The following LRRTM4 variants were observed in gnomAD, a reference collection of about 807,000 sequenced individuals.
LRRTM4 encodes leucine rich repeat transmembrane neuronal 4.
Under a neutral mutation model 47.6 loss-of-function variants are expected in LRRTM4, and 25 were observed. The ratio of observed to expected loss-of-function variants is 0.53; its 90% CI spans 0.38 to 0.73. The LOEUF is 0.73. Ranked by LOEUF, LRRTM4 falls within the 30% of genes least tolerant of loss-of-function variation. The pLI, the probability that LRRTM4 is intolerant of heterozygous loss-of-function variation, is 0.00. For synonymous variants in LRRTM4, 311 were observed against 269.5 expected (o/e 1.15, Z -1.51); for missense variants, 638 against 713.4 (o/e 0.89, Z 1.20).
intron 3 of LRRTM4, among the ~76,000 whole-genome samples, chr2:77,308,802 T>C (rs1436420894): frequency 1.3e-5 from 2 of 151,996 alleles, no homozygotes; most frequent in Non-Finnish European, 2.9e-5. Context: ...GTTTTTGTTT[T>C]TGCTTTTGGT....
intron 3 of LRRTM4, among the ~76,000 whole-genome samples, chr2:77,273,394 T>A (rs1287601875): frequency 1.3e-5 from 2 of 152,148 alleles, no homozygotes; most frequent in Non-Finnish European, 2.9e-5. Context: ...CCTTAATTTT[T>A]AATCACTATG....
rs190012806 is a variant in LRRTM4, at chr2:76,919,310, C to A, written c.1552-170394G>T. Among the ~76,000 whole-genome samples the A allele has an allele frequency of 1.8e-3, 276 of 152,218 alleles. 6 individuals carry two copies. The highest frequency in any genetic ancestry group is 3.5e-4 in the Non-Finnish European group (24 of 67,994). ...CCATAAACCGCATTTTTAGTATAAA[C>A]TAAGTGATCAAACTGGTACCTCATG... is the stretch of plus-strand genomic sequence containing the variant. On this transcript the variant is annotated intron_variant, in intron 3 of 3. Coordinates refer to ENST00000409884, the MANE Select transcript of LRRTM4 (RefSeq NM_001134745.3).
At chr2:76,911,938 G>GC (rs1558733700) in intron 3 of LRRTM4, among the ~76,000 whole-genome samples, 1 of 48,802 alleles carries the variant, frequency 2.0e-5, no homozygotes, top group African/African-American at 9.6e-5. Flanking sequence ...TGCTTTTTGG[G>GC]GGGGGGGGGG....
chr2:76,775,596 G>A (rs1475855646), intron 3 of LRRTM4, among the ~76,000 whole-genome samples: 1 of 151,988 alleles, frequency 6.6e-6, no homozygotes, highest in Non-Finnish European at 1.5e-5. Flanking sequence ...CAAAAGACTG[G>A]CAGCTGGTGT....
At chr2:76,764,463 CTA>C (rs914652334) in intron 3 of LRRTM4, among the ~76,000 whole-genome samples, 21 of 152,142 alleles carry the variant, frequency 1.4e-4, no homozygotes, top group African/African-American at 5.1e-4. Context: ...AACCCTGTCT[CTA>C]CTAAAAATGC....
At chr2:77,056,006 C>T (rs1325775096) in intron 3 of LRRTM4, among the ~76,000 whole-genome samples, 2 of 130,134 alleles carry the variant, frequency 1.5e-5, no homozygotes, top group Non-Finnish European at 3.1e-5. Flanking sequence ...CACACGGACA[C>T]AGGAAGGGGA....
chr2:77,299,663 G>T lies in LRRTM4; in HGVS notation c.1551+218655C>A, dbSNP rs368870076. 1.6e-4 allele frequency among the ~76,000 whole-genome samples: 24 copies of T among 152,088 alleles called. No homozygotes were observed. In the South Asian group the frequency reaches 4.6e-3, roughly 29 times the overall value. ...GAAAAATGAAAGCCTAAGTAAAACTGTTGCATTCTCTATTGTAAGACACAC... is the reference window on the plus strand; with the variant it reads ...GAAAAATGAAAGCCTAAGTAAAACTTTTGCATTCTCTATTGTAAGACACAC... On this transcript the variant is annotated intron_variant, in intron 3 of 3. Transcript: ENST00000409884.
At chr2:77,076,547 T>C (rs998962949) in intron 3 of LRRTM4, among the ~76,000 whole-genome samples, 1 of 152,176 alleles carries the variant, frequency 6.6e-6, no homozygotes, top group African/African-American at 2.4e-5. Context: ...TGCTTAGTTA[T>C]AACAAATGAG....
At chr2:77,358,135 G>A (rs1014429307) in intron 3 of LRRTM4, among the ~76,000 whole-genome samples, 3 of 152,134 alleles carry the variant, frequency 2.0e-5, no homozygotes, top group Admixed American at 6.5e-5. Context: ...ATAAATTTCT[G>A]TCTTAGTTTT....
At chr2:77,398,228 G>T (rs561557944) in intron 3 of LRRTM4, among the ~76,000 whole-genome samples, 1 of 151,938 alleles carries the variant, frequency 6.6e-6, no homozygotes, top group Admixed American at 6.6e-5. Context: ...TCATTTCACA[G>T]AATTGCATCA....
chr2:77,492,522 G>A (rs936912950), intron 3 of LRRTM4, among the ~76,000 whole-genome samples: 19 of 152,206 alleles, frequency 1.2e-4, no homozygotes, highest in African/African-American at 4.6e-4. Flanking sequence ...GCCTCTCAAA[G>A]TTCTGGAGTT....
At chr2:76,923,998 G>C (rs79596413) in intron 3 of LRRTM4, among the ~76,000 whole-genome samples, 1 of 151,802 alleles carries the variant, frequency 6.6e-6, no homozygotes, top group Non-Finnish European at 1.5e-5. Flanking sequence ...TTTTTTCAAC[G>C]GTGTTTTCAT....
At chr2:77,183,504 A>G (rs1646992672) in intron 3 of LRRTM4, among the ~76,000 whole-genome samples, 1 of 152,180 alleles carries the variant, frequency 6.6e-6, no homozygotes, top group Admixed American at 6.6e-5. Flanking sequence ...TAGTTCAACC[A>G]TTGTGGAAGT....
In LRRTM4 at chr2:77,041,674, C is replaced by T. The variant is rs375454978; in HGVS notation, c.1552-292758G>A. Among the ~76,000 whole-genome samples the T allele has an allele frequency of 2.0e-4, 30 of 151,254 alleles. No homozygotes were observed. In the East Asian group the frequency reaches 5.9e-3, roughly 30 times the overall value. On this transcript the variant is annotated intron_variant, in intron 3 of 3. Coordinates refer to ENST00000409884, the MANE Select transcript of LRRTM4 (RefSeq NM_001134745.3). The stretch of plus-strand genomic sequence containing the variant: ...TAGTGATGTTGATTACTTTTTCATA[C>T]ATCTGTTGGCCCTTTCTATGTCTTT...
chr2:76,948,448 T>C (rs531681550), intron 3 of LRRTM4, among the ~76,000 whole-genome samples: 1 of 151,976 alleles, frequency 6.6e-6, no homozygotes, highest in Admixed American at 6.6e-5. Context: ...TCTTACACTA[T>C]TTAGAAATAG....
intron 3 of LRRTM4, among the ~76,000 whole-genome samples, chr2:77,025,956 T>G (rs1221458777): frequency 6.6e-6 from 1 of 152,138 alleles, no homozygotes; most frequent in African/African-American, 2.4e-5. Flanking sequence ...AATAAACAAG[T>G]CATGGGACAC....
intron 3 of LRRTM4, among the ~76,000 whole-genome samples, chr2:77,243,652 C>G (rs1489644051): frequency 6.6e-6 from 1 of 151,946 alleles, no homozygotes; most frequent in Non-Finnish European, 1.5e-5. Flanking sequence ...GTACTTAACA[C>G]TAGTGAACTG....
At position 77,518,575 on chromosome 2, in the gene LRRTM4, G is replaced by C; in HGVS notation, c.1294C>G (p.Leu432Val). ...AGGATCATGGCCACTGAGAGAAAGA[G>C]AGCCACACTCCCGGCAATAATTTTG... Reference protein sequence around the residue: ...FHKIIAGSVALFLSVAMILLV... With the variant: ...FHKIIAGSVAVFLSVAMILLV... The change falls in exon 3 of 4, where the codon CTC (leucine) becomes GTC (valine). Residue 432 changes from leucine (L) to valine (V), a missense_variant. Coordinates refer to ENST00000409884, the MANE Select transcript of LRRTM4 (RefSeq NM_001134745.3). The C allele has an allele frequency of 6.2e-7, 1 of 1,613,410 alleles. No homozygotes were observed. Among genetic ancestry groups the C allele is most frequent in the Non-Finnish European group, 8.5e-7 (1 of 1,179,626 alleles).
chr2:77,185,615 A>G (rs1488205557), intron 3 of LRRTM4, among the ~76,000 whole-genome samples: 2 of 152,156 alleles, frequency 1.3e-5, no homozygotes, highest in East Asian at 3.8e-4. Flanking sequence ...GTTAAGATGG[A>G]TAAGTCAAAC....
Sources: allele counts gnomAD v4.1 joint callset (sites outside exome capture counted in the v4.1 genomes callset), GRCh38; gene constraint gnomAD v4.1.1; transcripts MANE v1.5; gene names NCBI Gene and HGNC (gene_info 2026-07-23, HGNC 2026-07-21).